ESR1: variants seen among roughly 807,000 people sequenced by gnomAD.
ESR1 encodes the protein estrogen receptor.
ESR1 carries 12 observed loss-of-function variants against 52.7 expected under a neutral mutation model. The observed-to-expected ratio is 0.23, with a 90% CI of 0.15 to 0.37. ESR1 has a LOEUF of 0.37. Ranked by LOEUF, ESR1 falls within the 10% of genes least tolerant of loss-of-function variation. The pLI is 1.00. For missense variants in ESR1, 584 were observed against 779.7 expected (o/e 0.75, Z 2.99); for synonymous variants, 305 against 316.8 (o/e 0.96, Z 0.39).
chr6:151,713,026 T>G (rs1285128823), intron 2 of ESR1, among the ~76,000 whole-genome samples: 1 of 152,220 alleles, frequency 6.6e-6, no homozygotes, highest in Non-Finnish European at 1.5e-5. Flanking sequence ...ATGCCTACTT[T>G]GTTGAGAGTT....
intron 6 of ESR1, among the ~76,000 whole-genome samples, chr6:152,092,922 T>G (rs2050302432): frequency 6.6e-6 from 1 of 152,192 alleles, no homozygotes; most frequent in Non-Finnish European, 1.5e-5. Flanking sequence ...AAAAGGGGAT[T>G]CACTGATACG....
chr6:151,848,812 T>G (rs1466379470), intron 2 of ESR1, among the ~76,000 whole-genome samples: 1 of 152,128 alleles, frequency 6.6e-6, no homozygotes, highest in Non-Finnish European at 1.5e-5. Context: ...GGTCCTATGG[T>G]CTTGAGTTTA....
In ESR1 at chr6:151,705,359, G is replaced by T. The variant is rs538579535; in HGVS notation, c.-71+3354G>T. On this transcript the variant is annotated intron_variant, in intron 2 of 2. Coordinates refer to the ESR1 transcript ENST00000404742. ...GTATAATAGCCATGCCATCAGTTTT[G>T]CTTTCCTAATTAAGTTTTATATGGG... Among the ~76,000 whole-genome samples the T allele has an allele frequency of 1.1e-4, 17 of 152,174 alleles. 1 individual carries two copies. The South Asian group carries it at 1.7e-3, about 15-fold the overall frequency.
At chr6:151,996,499 C>A (rs1013520393) in intron 4 of ESR1, among the ~76,000 whole-genome samples, 2 of 152,056 alleles carry the variant, frequency 1.3e-5, no homozygotes, top group Non-Finnish European at 2.9e-5. Flanking sequence ...TTCGTGGACT[C>A]CCCACTGATT....
rs371627923 is a variant in ESR1, at chr6:151,754,299, A to G, written c.-71+52294A>G. ...TATTATTATAAGTTTGTTGCTGGAG[A>G]GAACATAAAAATCTCTATCTATTGC... On this transcript the variant is annotated intron_variant, in intron 2 of 2. Transcript: ENST00000404742. Among the ~76,000 whole-genome samples the G allele has an allele frequency of 1.8e-4, 28 of 151,828 alleles. No individual in the cohort carries two copies. The South Asian group carries it at 5.6e-3, about 31-fold the overall frequency.
intron 1 of ESR1, among the ~76,000 whole-genome samples, chr6:151,669,181 A>AGAGAGAGAGAGAGAGAGAGAGAGG (rs1777950699): frequency 7.7e-6 from 1 of 129,226 alleles, no homozygotes; most frequent in African/African-American, 2.8e-5. Flanking sequence ...AGAGAGAGAG[A>AGAGAGAGAGAGAGAGAGAGAGAGG]GAGAGAGATG....
intron 4 of ESR1, among the ~76,000 whole-genome samples, chr6:151,982,457 T>G (rs558768129): frequency 6.6e-6 from 1 of 152,068 alleles, no homozygotes; most frequent in Non-Finnish European, 1.5e-5. Flanking sequence ...GTAGCCACAT[T>G]AAAAAGTAAA....
At chr6:151,789,342 G>T (rs1421316385) in intron 2 of ESR1, among the ~76,000 whole-genome samples, 1 of 152,130 alleles carries the variant, frequency 6.6e-6, no homozygotes, top group Non-Finnish European at 1.5e-5. Context: ...TTCTGATTTT[G>T]AGTTTCATAA....
chr6:151,944,028 C>A, intron 3 of ESR1, 145 bp from the exon 4 acceptor site: 1 of 662,970 alleles, frequency 1.5e-6, no homozygotes, highest in Non-Finnish European at 2.6e-6. Flanking sequence ...TCTTGGAGAG[C>A]CACTTGTTGA....
chr6:151,815,081 T>C (rs1392485902), intron 1 of ESR1, among the ~76,000 whole-genome samples: 1 of 152,180 alleles, frequency 6.6e-6, no homozygotes, highest in Non-Finnish European at 1.5e-5. Flanking sequence ...TCAATGGTGA[T>C]TTTGCGGGAG....
chr6:151,823,786 A>T (rs963091345), intron 1 of ESR1, among the ~76,000 whole-genome samples: 6 of 152,296 alleles, frequency 3.9e-5, no homozygotes, highest in African/African-American at 1.4e-4. Context: ...CCATGTCCCT[A>T]CAAAGAACAT....
intron 6 of ESR1, among the ~76,000 whole-genome samples, chr6:152,085,989 A>G (rs966018882): frequency 2.0e-5 from 3 of 152,218 alleles, no homozygotes; most frequent in African/African-American, 7.2e-5. Flanking sequence ...ATACCAGGCA[A>G]GAAAAGGTAG....
chr6:151,808,513 C>G, intron 1 of ESR1, 149 bp downstream of exon 1: 1 of 601,738 alleles, frequency 1.7e-6, no homozygotes, highest in South Asian at 4.3e-5. Flanking sequence ...GGCGCGCGGC[C>G]CAGCCCGGGG....
intron 2 of ESR1, among the ~76,000 whole-genome samples, chr6:151,793,750 A>C (rs999689874): frequency 6.6e-6 from 1 of 152,188 alleles, no homozygotes; most frequent in Non-Finnish European, 1.5e-5. Flanking sequence ...TGAGCACCAA[A>C]TATGTGCCCA....
intron 1 of ESR1, among the ~76,000 whole-genome samples, chr6:151,677,980 A>G (rs1778310780): frequency 9.4e-6 from 1 of 105,838 alleles, no homozygotes; most frequent in Non-Finnish European, 2.3e-5. Flanking sequence ...ATAAAACGTA[A>G]TGAAAGAAGC....
intron 4 of ESR1, among the ~76,000 whole-genome samples, chr6:151,988,673 C>T (rs1291637486): frequency 2.0e-5 from 3 of 151,860 alleles, no homozygotes; most frequent in Non-Finnish European, 4.4e-5. Context: ...CAACAAACCC[C>T]CATGACACAA....
intron 2 of ESR1, among the ~76,000 whole-genome samples, chr6:151,877,437 ACTTTT>A (rs1298108328): frequency 2.6e-5 from 4 of 152,218 alleles, no homozygotes; most frequent in African/African-American, 9.6e-5. Context: ...TATTTATTAA[ACTTTT>A]CTTTTTGTCA....
chr6:152,043,056 T>C (rs1016955018), intron 5 of ESR1, among the ~76,000 whole-genome samples: 18 of 152,150 alleles, frequency 1.2e-4, no homozygotes, highest in African/African-American at 4.3e-4. Flanking sequence ...TATTTCACAA[T>C]GTGCTGGTCA....
chr6:151,953,151 A>G (rs1313277753), intron 4 of ESR1, among the ~76,000 whole-genome samples: 4 of 152,144 alleles, frequency 2.6e-5, no homozygotes, highest in Non-Finnish European at 4.4e-5. Context: ...AGGTGACTGC[A>G]TTGAATCTTT....
Sources: allele counts gnomAD v4.1 joint callset (sites outside exome capture counted in the v4.1 genomes callset), GRCh38; gene constraint gnomAD v4.1.1; transcripts MANE v1.5; gene names NCBI Gene and HGNC (gene_info 2026-07-23, HGNC 2026-07-21).